The following ANKS1B variants were observed in gnomAD, a reference collection of about 807,000 sequenced individuals.
ANKS1B encodes ankyrin repeat and sterile alpha motif domain containing 1B.
ANKS1B carries 36 observed loss-of-function variants against 148.3 expected under a neutral mutation model. The observed-to-expected ratio is 0.24, with a 90% CI of 0.19 to 0.32. ANKS1B has a LOEUF of 0.32. Ranked by LOEUF, ANKS1B falls within the 10% of genes least tolerant of loss-of-function variation. The pLI is 1.00. For missense variants in ANKS1B, 1,157 were observed against 1,542.6 expected (o/e 0.75, Z 4.19); for synonymous variants, 542 against 560.8 (o/e 0.97, Z 0.47).
intron 19 of ANKS1B, among the ~76,000 whole-genome samples, chr12:98,811,639 C>T (rs544762521): frequency 3.9e-5 from 6 of 152,284 alleles, no homozygotes; most frequent in African/African-American, 1.2e-4. Flanking sequence ...GAGGAAAAGC[C>T]TTAGTTCTTT....
chr12:99,130,609 T>C (rs1038907081), intron 15 of ANKS1B, among the ~76,000 whole-genome samples: 4 of 152,168 alleles, frequency 2.6e-5, no homozygotes, highest in South Asian at 4.1e-4. Context: ...TCATCCTCTA[T>C]AGTGCCATCA....
chr12:99,791,566 A>T (rs1398959316), intron 4 of ANKS1B, among the ~76,000 whole-genome samples: 1 of 152,038 alleles, frequency 6.6e-6, no homozygotes, highest in African/African-American at 2.4e-5. Context: ...ATCATCCCTG[A>T]CCACAATGGA....
chr12:99,460,278 A>T (rs1034264662), intron 10 of ANKS1B, among the ~76,000 whole-genome samples: 15 of 152,192 alleles, frequency 9.9e-5, no homozygotes, highest in Admixed American at 2.0e-4. Flanking sequence ...GATGGATTAA[A>T]GACTTAATTC....
At chr12:99,275,045 G>C (rs2077501277) in intron 12 of ANKS1B, among the ~76,000 whole-genome samples, 1 of 151,980 alleles carries the variant, frequency 6.6e-6, no homozygotes, top group Non-Finnish European at 1.5e-5. Context: ...TTTAATAATT[G>C]TTTTTATTTT....
chr12:98,742,824 G>A (rs1285033487), downstream of ANKS1B, among the ~76,000 whole-genome samples: 1 of 152,204 alleles, frequency 6.6e-6, no homozygotes, highest in Admixed American at 6.5e-5. Context: ...TAAATGTGGG[G>A]CTGGCTGGCT....
At chr12:99,937,009 C>T (rs2094792942) in intron 1 of ANKS1B, among the ~76,000 whole-genome samples, 1 of 152,176 alleles carries the variant, frequency 6.6e-6, no homozygotes, top group Non-Finnish European at 1.5e-5. Flanking sequence ...TGGACAACCA[C>T]ATATGGATAC....
At chr12:99,278,935 C>T (rs2078034890) in intron 12 of ANKS1B, among the ~76,000 whole-genome samples, 1 of 152,100 alleles carries the variant, frequency 6.6e-6, no homozygotes, top group Admixed American at 6.5e-5. Flanking sequence ...TAAATTATTG[C>T]ACCCAAAATG....
chr12:99,641,502 C>T (rs911133307), intron 9 of ANKS1B, among the ~76,000 whole-genome samples: 7 of 152,102 alleles, frequency 4.6e-5, no homozygotes, highest in South Asian at 2.1e-4. Context: ...CTGCTCTATG[C>T]CACACATATA....
chr12:99,740,446 C>T (rs1443195073), intron 8 of ANKS1B, among the ~76,000 whole-genome samples: 1 of 152,170 alleles, frequency 6.6e-6, no homozygotes, highest in Admixed American at 6.5e-5. Flanking sequence ...CAGCATTGTT[C>T]CTGGCTTACA....
intron 14 of ANKS1B, among the ~76,000 whole-genome samples, chr12:99,228,283 A>C (rs1278651541): frequency 6.6e-6 from 1 of 152,146 alleles, no homozygotes; most frequent in Non-Finnish European, 1.5e-5. Context: ...ATTTTGTTTC[A>C]TAAGTTATTT....
chr12:99,713,958 G>A (rs1458919908), intron 8 of ANKS1B, among the ~76,000 whole-genome samples: 1 of 152,166 alleles, frequency 6.6e-6, no homozygotes, highest in African/African-American at 2.4e-5. Flanking sequence ...CTAACTTAGT[G>A]GCTTGAAACA....
chr12:99,276,221 A>C (rs2153993655), intron 12 of ANKS1B, among the ~76,000 whole-genome samples: 1 of 152,306 alleles, frequency 6.6e-6, no homozygotes, highest in South Asian at 2.1e-4. Flanking sequence ...ATTTCATCTC[A>C]CTAGACGGTT....
chr12:99,683,234 G>T (rs1216738561), intron 8 of ANKS1B, among the ~76,000 whole-genome samples: 2 of 152,034 alleles, frequency 1.3e-5, no homozygotes, highest in African/African-American at 4.8e-5. Context: ...AATCATATCA[G>T]CGAGATTAAC....
rs1010415641 is a variant in ANKS1B, at chr12:99,407,744, T to C, written c.1576-7933A>G. Among the ~76,000 whole-genome samples, 11 of 145,608 alleles carry C rather than the reference T, an allele frequency of 7.6e-5. 1 individual carries two copies. The highest frequency in any genetic ancestry group is 2.9e-4 in the African/African-American group (11 of 38,428). ...GAAAAAATAGAACAAAGAAGTCTCA[T>C]TTACAATAGCTACAAATAAAATAAA... On this transcript the variant is annotated intron_variant, in intron 11 of 26. Transcript: ENST00000683438.
chr12:99,357,606 T>A (rs189111839), intron 12 of ANKS1B, among the ~76,000 whole-genome samples: 180 of 152,312 alleles, frequency 1.2e-3, no homozygotes, highest in Non-Finnish European at 1.9e-3. Flanking sequence ...CATCTGTTTA[T>A]GTGTCTGTGT....
chr12:99,707,118 CAA>C (rs2055922065), intron 8 of ANKS1B, among the ~76,000 whole-genome samples: 1 of 151,984 alleles, frequency 6.6e-6, no homozygotes, highest in Non-Finnish European at 1.5e-5. Context: ...AGGATCTAAC[CAA>C]AAGAGACCAT....
intron 9 of ANKS1B, among the ~76,000 whole-genome samples, chr12:99,521,169 ACT>A (rs902009404): frequency 2.6e-5 from 4 of 151,586 alleles, no homozygotes; most frequent in East Asian, 1.9e-4. Flanking sequence ...CCATTAAAAG[ACT>A]CTGATGCATT....
chr12:99,474,083 C>T lies in ANKS1B; in HGVS notation c.1439-30274G>A, dbSNP rs149530793. On this transcript the variant is annotated intron_variant, in intron 10 of 26. Coordinates refer to ENST00000683438, the MANE Select transcript of ANKS1B (RefSeq NM_001352186.2). ...GTTAAGTTCTACTTAGTATGATCTA[C>T]GTTTTAATGCATTATTGAATTCAAT... Among the ~76,000 whole-genome samples the T allele has an allele frequency of 8.5e-3, 1,296 of 152,092 alleles. 13 individuals carry two copies. The highest frequency in any genetic ancestry group is 0.03 in the African/African-American group (1,241 of 41,516).
At chr12:99,391,936 A>C (rs981408857) in intron 12 of ANKS1B, among the ~76,000 whole-genome samples, 3 of 150,754 alleles carry the variant, frequency 2.0e-5, no homozygotes, top group African/African-American at 7.3e-5. Flanking sequence ...ATTTGATATA[A>C]AAATACTTGC....
Sources: gnomAD v4.1 joint callset for allele counts (sites outside exome capture counted in the v4.1 genomes callset) on GRCh38, gnomAD v4.1.1 for gene constraint, MANE v1.5 for transcripts, NCBI Gene and HGNC (gene_info 2026-07-23, HGNC 2026-07-21) for gene names.